SLC12A8: variants seen among roughly 807,000 people sequenced by gnomAD.
The protein encoded by SLC12A8 is cation-chloride cotransporter 9.
In SLC12A8, 69 loss-of-function variants were observed where a neutral mutation model predicts 75.6. The ratio of observed to expected loss-of-function variants is 0.91; its 90% CI spans 0.75 to 1.11. The LOEUF is 1.11. SLC12A8 is among the 50% of genes most tolerant of loss of function. SLC12A8 has a pLI of 0.00. For synonymous variants in SLC12A8, 365 were observed against 372.8 expected, an observed-to-expected ratio of 0.98 and a Z score of 0.24; for missense variants, 877 against 896.7, an observed-to-expected ratio of 0.98 and a Z score of 0.28.
chr3:125,170,192 G>A (rs2107783470), intron 5 of SLC12A8, among the ~76,000 whole-genome samples: 1 of 152,340 alleles, frequency 6.6e-6, no homozygotes, highest in East Asian at 1.9e-4. Flanking sequence ...TACTGTTAGT[G>A]ATCGTTCAGA....
At chr3:125,119,117 G>A (rs569608123) in intron 7 of SLC12A8, 5 of 298,468 alleles carry the variant, frequency 1.7e-5, no homozygotes, top group South Asian at 1.0e-4. Context: ...AACACTTCAC[G>A]AATTTGCATG....
At chr3:125,142,920 C>T (rs1933684558) in intron 5 of SLC12A8, among the ~76,000 whole-genome samples, 1 of 152,210 alleles carries the variant, frequency 6.6e-6, no homozygotes, top group African/African-American at 2.4e-5. Context: ...TCCTCCCTTC[C>T]CTGACTCTGT....
In SLC12A8 at chr3:125,083,583, G is replaced by A. The variant is rs922829264; in HGVS notation, c.*307C>T. ...GTAAAAATACAAAAAATAGCTGGGT[G>A]TGGTGGTGCATGCCTATAATCCCAG... On this transcript the variant is annotated 3_prime_UTR_variant, in exon 14 of 14. Coordinates refer to ENST00000469902, the MANE Select transcript of SLC12A8 (RefSeq NM_024628.6). 3 of 226,650 alleles carry A rather than the reference G, an allele frequency of 1.3e-5. No individual in the cohort carries two copies. Among genetic ancestry groups the A allele is most frequent in the African/African-American group, 6.9e-5 (3 of 43,404 alleles). The allele number at this position is 226,650 out of a possible 1,614,324, so 14.0% of individuals were successfully genotyped here.
chr3:125,175,190 A>G (rs1398505828), intron 5 of SLC12A8, among the ~76,000 whole-genome samples: 1 of 152,264 alleles, frequency 6.6e-6, no homozygotes, highest in Non-Finnish European at 1.5e-5. Flanking sequence ...TTAGCCACAT[A>G]TAATCTCAAC....
At chr3:125,126,022 T>C in intron 6 of SLC12A8, 1 of 624,864 alleles carries the variant, frequency 1.6e-6, no homozygotes, top group Non-Finnish European at 2.0e-6. Context: ...AAGCAGTTAA[T>C]TGCTTTACCC....
rs754442101 is a variant in SLC12A8 at position 125,120,640 on chromosome 3, G to A, written c.783C>T (p.Ala261=). ...CCAGGGAGCCCAGGGGAATGCTGGC[G>A]GCAGGCTCCCTGAGGTCGCCCCCCA... The part of the protein sequence containing the change: ...FNMGGDLREP[A]ASIPLGSLAA... Residue 261 remains alanine, a synonymous_variant, in exon 7 of 14, where the codon GCC becomes GCT. Transcript: ENST00000469902. The A allele has an allele frequency of 2.1e-5, 34 of 1,613,556 alleles. No individual in the cohort carries two copies. In the Admixed American group the frequency reaches 4.2e-4, roughly 20 times the overall value.
intron 10 of SLC12A8, among the ~76,000 whole-genome samples, chr3:125,104,507 GAA>G (rs35777145): frequency 0.058 from 7,319 of 125,224 alleles, 260 homozygotes; most frequent in African/African-American, 0.12. Context: ...GTTCAAATTA[GAA>G]AAAAAAAAAA....
intron 8 of SLC12A8, among the ~76,000 whole-genome samples, chr3:125,117,918 A>T (rs1389296921): frequency 6.6e-6 from 1 of 152,232 alleles, no homozygotes; most frequent in Non-Finnish European, 1.5e-5. Context: ...GTTGCAGCCA[A>T]ATCAACCCAG....
intron 2 of SLC12A8, among the ~76,000 whole-genome samples, chr3:125,210,391 G>T (rs888000669): frequency 6.6e-5 from 10 of 152,206 alleles, no homozygotes; most frequent in African/African-American, 2.4e-4. Flanking sequence ...CTCAGGTGGG[G>T]TCAGACTGTA....
At chr3:125,199,061 A>G (rs1404360332) in intron 2 of SLC12A8, among the ~76,000 whole-genome samples, 1 of 152,112 alleles carries the variant, frequency 6.6e-6, no homozygotes, top group East Asian at 1.9e-4. Flanking sequence ...TATAGGCGTG[A>G]GCCACCATGC....
chr3:125,132,503 T>C (rs1008287997), intron 6 of SLC12A8, among the ~76,000 whole-genome samples: 1 of 152,054 alleles, frequency 6.6e-6, no homozygotes, highest in Non-Finnish European at 1.5e-5. Flanking sequence ...TTGACAAGAC[T>C]TAGAGGGCAC....
At chr3:125,104,076 T>C (rs1420174122) in intron 10 of SLC12A8, among the ~76,000 whole-genome samples, 1 of 150,980 alleles carries the variant, frequency 6.6e-6, no homozygotes, top group Non-Finnish European at 1.5e-5. Context: ...ACAGGAACAG[T>C]GAAAGGAACA....
At chr3:125,123,914 G>A (rs950504375) in intron 6 of SLC12A8, among the ~76,000 whole-genome samples, 1 of 152,110 alleles carries the variant, frequency 6.6e-6, no homozygotes, top group African/African-American at 2.4e-5. Flanking sequence ...GTTAACCCAT[G>A]AAGACCCCTG....
At chr3:125,116,875 T>C (rs976315895) in intron 8 of SLC12A8, among the ~76,000 whole-genome samples, 6 of 152,182 alleles carry the variant, frequency 3.9e-5, no homozygotes, top group Non-Finnish European at 7.3e-5. Flanking sequence ...ATTCCTGTAA[T>C]GCAGCCAAGC....
chr3:125,153,224 G>A (rs1560069304), intron 5 of SLC12A8, among the ~76,000 whole-genome samples: 1 of 152,106 alleles, frequency 6.6e-6, no homozygotes, highest in Admixed American at 6.6e-5. Context: ...CCATGTGCCC[G>A]GTACTTTCCA....
At chr3:125,181,420 T>G (rs942491893) in intron 4 of SLC12A8, among the ~76,000 whole-genome samples, 5 of 149,522 alleles carry the variant, frequency 3.3e-5, no homozygotes, top group Admixed American at 6.6e-5. Flanking sequence ...GCTAACAAGG[T>G]GAAACCCCGT....
chr3:125,144,725 T>C (rs1933731175), intron 5 of SLC12A8, among the ~76,000 whole-genome samples: 1 of 152,164 alleles, frequency 6.6e-6, no homozygotes, highest in African/African-American at 2.4e-5. Flanking sequence ...ACTCAACTCA[T>C]GGCCCCCTCA....
At chr3:125,145,307 C>T (rs1933746589) in intron 5 of SLC12A8, among the ~76,000 whole-genome samples, 1 of 152,304 alleles carries the variant, frequency 6.6e-6, no homozygotes, top group Non-Finnish European at 1.5e-5. Context: ...GCACCACGCT[C>T]TCTTATTTTC....
intron 13 of SLC12A8, among the ~76,000 whole-genome samples, chr3:125,085,854 G>A (rs1938445579): frequency 6.6e-6 from 1 of 151,922 alleles, no homozygotes; most frequent in South Asian, 2.1e-4. Flanking sequence ...GGGATTACAG[G>A]TATGAGCCAG....
Sources: allele counts gnomAD v4.1 joint callset (sites outside exome capture counted in the v4.1 genomes callset), GRCh38; gene constraint gnomAD v4.1.1; transcripts MANE v1.5; gene names NCBI Gene and HGNC (gene_info 2026-07-23, HGNC 2026-07-21).